Variants in LCP1 observed in about 807,000 individuals in gnomAD.
LCP1 encodes the protein plastin-2.
A neutral mutation model predicts 72.0 loss-of-function variants in LCP1; 23 were observed. The observed-to-expected ratio is 0.32, with a 90% CI of 0.23 to 0.45. The LOEUF (loss-of-function observed/expected upper bound fraction) is 0.45. Among genes scored for constraint, LCP1 ranks in the 20% least tolerant of loss-of-function variants. The probability of loss-of-function intolerance (pLI) is 1.00; values close to 1 mark genes in which losing one functional copy is unlikely to be tolerated. For missense variants in LCP1, 571 were observed against 748.3 expected (o/e 0.76, Z 2.76); for synonymous variants, 245 against 275.4 (o/e 0.89, Z 1.09).
chr13:46,158,701 T>C, intron 3 of LCP1, 50 bp from the exon 4 acceptor site: 1 of 1,611,654 alleles, frequency 6.2e-7, no homozygotes, highest in Non-Finnish European at 8.5e-7. Context: ...ATCAAGAAAA[T>C]CACAAAGGAA....
intron 15 of LCP1, among the ~76,000 whole-genome samples, chr13:46,129,104 G>A (rs189227497): frequency 7.2e-5 from 11 of 152,224 alleles, no homozygotes; most frequent in Admixed American, 3.3e-4. Context: ...AACACAGAGG[G>A]AAAACGGTCT....
Position 46,146,888 on chromosome 13 carries a change from G to A in LCP1, c.1174+20C>T. 2 of 1,613,044 alleles carry A rather than the reference G, an allele frequency of 1.2e-6. No homozygotes were observed. The highest frequency in any genetic ancestry group is 8.5e-7 in the Non-Finnish European group (1 of 1,179,148). ...ATTGTGAGTGCCTTTCCCCATCTTA[G>A]GCAAATCGTTTACAGTTACCTTCAA... On this transcript the variant is annotated intron_variant, in intron 10 of 15. Coordinates refer to ENST00000323076, the MANE Select transcript of LCP1 (RefSeq NM_002298.5).
At chr13:46,134,101 C>T in intron 14 of LCP1, 26 bp downstream of exon 14, 1 of 1,612,194 alleles carries the variant, frequency 6.2e-7, no homozygotes, top group East Asian at 2.2e-5. Context: ...CTCAGATGGC[C>T]TCTAGCAGAA....
At chr13:46,145,420 G>A (rs1426871630) in intron 10 of LCP1, among the ~76,000 whole-genome samples, 2 of 152,144 alleles carry the variant, frequency 1.3e-5, no homozygotes, top group East Asian at 3.8e-4. Flanking sequence ...AAAATAATTA[G>A]TGTATGAGGT....
intron 9 of LCP1, 38 bp from the exon 10 acceptor site, chr13:46,147,141 C>T (rs747384402): frequency 6.6e-7 from 1 of 1,504,362 alleles, no homozygotes; most frequent in South Asian, 1.3e-5. Flanking sequence ...TGGGTCAAGG[C>T]TCTCCATGCA....
chr13:46,157,022 G>A (rs962991588), intron 4 of LCP1, among the ~76,000 whole-genome samples: 2 of 151,564 alleles, frequency 1.3e-5, no homozygotes, highest in Non-Finnish European at 2.9e-5. Flanking sequence ...GGGTTTCATC[G>A]TGTTAGCCAG....
chr13:46,146,161 A>G (rs1426530545), intron 10 of LCP1, among the ~76,000 whole-genome samples: 1 of 152,160 alleles, frequency 6.6e-6, no homozygotes, highest in Admixed American at 6.5e-5. Context: ...TAATTCAGCA[A>G]ATGACACCAA....
rs550701937 is a variant in LCP1 at position 46,150,799 on chromosome 13, G to A, written c.882+137C>T. The A allele has an allele frequency of 1.3e-5, 12 of 921,504 alleles. No homozygotes were observed. The East Asian group carries it at 2.5e-4, about 19-fold the overall frequency. The allele number at this position is 921,504 out of a possible 1,614,324, so 57.1% of individuals were successfully genotyped here. On this transcript the variant is annotated intron_variant, in intron 8 of 15. Transcript: ENST00000323076. ...CAGCAGATGGGCTCTCAAGGACAGTGAGCACCTCCAAAACAGCACCAGACT... is the reference window on the plus strand; with the variant it reads ...CAGCAGATGGGCTCTCAAGGACAGTAAGCACCTCCAAAACAGCACCAGACT...
At chr13:46,170,730 C>G (rs990052993) in intron 1 of LCP1, among the ~76,000 whole-genome samples, 2 of 152,184 alleles carry the variant, frequency 1.3e-5, no homozygotes, top group African/African-American at 4.8e-5. Flanking sequence ...TAAATTTCTT[C>G]CTTCAATAGA....
At chr13:46,149,465 A>C (rs1013231040) in intron 8 of LCP1, among the ~76,000 whole-genome samples, 1 of 152,196 alleles carries the variant, frequency 6.6e-6, no homozygotes, top group African/African-American at 2.4e-5. Context: ...GCCCTGGGTT[A>C]CATCTTTTTA....
At chr13:46,175,277 G>A (rs1053519170) in intron 1 of LCP1, among the ~76,000 whole-genome samples, 2 of 152,094 alleles carry the variant, frequency 1.3e-5, no homozygotes, top group Non-Finnish European at 2.9e-5. Context: ...CTACCTAGAC[G>A]ACAACATGGG....
rs565937868 is a variant in LCP1, at chr13:46,127,488, G to A, written c.*103C>T. Reference sequence around the variant, plus strand: ...TATGTGCTTTTTGGAATCTTATAGAGTGTCACCAAGTTGAACTTTGGAATG... The same window carrying A: ...TATGTGCTTTTTGGAATCTTATAGAATGTCACCAAGTTGAACTTTGGAATG... On this transcript the variant is annotated 3_prime_UTR_variant, in exon 16 of 16. Transcript: ENST00000323076. 2.1e-5 allele frequency: 30 copies of A among 1,428,474 alleles called. No individual in the cohort carries two copies. The highest frequency in any genetic ancestry group is 5.1e-5 in the South Asian group (4 of 78,986). The allele number at this position is 1,428,474 out of a possible 1,614,324, so 88.5% of individuals were successfully genotyped here.
intron 1 of LCP1, 124 bp from the exon 2 acceptor site, chr13:46,159,810 C>A: frequency 6.3e-6 from 4 of 636,650 alleles, no homozygotes; most frequent in Non-Finnish European, 1.1e-5. Context: ...TGATTTAGAA[C>A]TATCTTTCCA....
At chr13:46,170,225 A>G (rs938976669) in intron 1 of LCP1, among the ~76,000 whole-genome samples, 13 of 152,232 alleles carry the variant, frequency 8.5e-5, no homozygotes, top group African/African-American at 2.9e-4. Context: ...CAAGGCTACT[A>G]AATGCTTCAA....
chr13:46,181,451 T>C (rs1471943230), intron 1 of LCP1, among the ~76,000 whole-genome samples: 3 of 152,202 alleles, frequency 2.0e-5, no homozygotes, highest in African/African-American at 7.2e-5. Flanking sequence ...ATTCAGACAA[T>C]CCTACAAAAA....
chr13:46,162,471 CG>C (rs1366815536), intron 1 of LCP1, among the ~76,000 whole-genome samples: 1 of 151,984 alleles, frequency 6.6e-6, no homozygotes, highest in South Asian at 2.1e-4. Context: ...GACTCGTTTT[CG>C]TATTTTTTTG....
chr13:46,158,084 T>A (rs1466251843), intron 4 of LCP1, among the ~76,000 whole-genome samples: 8 of 152,238 alleles, frequency 5.3e-5, no homozygotes, highest in Admixed American at 5.2e-4. Flanking sequence ...TTGGAAATGT[T>A]GCAACAACTA....
chr13:46,172,657 C>T (rs1185525683), intron 1 of LCP1, among the ~76,000 whole-genome samples: 4 of 152,178 alleles, frequency 2.6e-5, no homozygotes, highest in African/African-American at 9.7e-5. Flanking sequence ...TGCTCGTTCT[C>T]ACTAGCTCTT....
intron 13 of LCP1, among the ~76,000 whole-genome samples, chr13:46,138,538 C>T (rs2045678737): frequency 6.6e-6 from 1 of 152,128 alleles, no homozygotes; most frequent in Non-Finnish European, 1.5e-5. Context: ...ATGTGCCAGC[C>T]ATTAAATAGG....
Sources: gnomAD v4.1 joint callset for allele counts (sites outside exome capture counted in the v4.1 genomes callset) on GRCh38, gnomAD v4.1.1 for gene constraint, MANE v1.5 for transcripts, NCBI Gene and HGNC (gene_info 2026-07-23, HGNC 2026-07-21) for gene names.